Variants in NT5C3B observed in about 807,000 individuals in gnomAD.
The protein encoded by NT5C3B is 5'-nucleotidase, cytosolic IIIB, also known as 7-methylguanosine phosphate-specific 5'-nucleotidase.
Under a neutral mutation model 32.5 loss-of-function variants are expected in NT5C3B, and 28 were observed. That is an observed-to-expected ratio of 0.86 (90% CI 0.64 to 1.18). NT5C3B has a LOEUF of 1.18. NT5C3B is among the 50% of genes most tolerant of loss of function. The pLI, the probability that NT5C3B is intolerant of heterozygous loss-of-function variation, is 0.00. For missense variants in NT5C3B, 317 were observed against 322.0 expected (o/e 0.98, Z 0.12); for synonymous variants, 138 against 118.0 (o/e 1.17, Z -1.10).
chr17:41,833,070 C>A (rs1462143364), intron 4 of NT5C3B, among the ~76,000 whole-genome samples: 3 of 152,160 alleles, frequency 2.0e-5, no homozygotes, highest in Non-Finnish European at 4.4e-5. Flanking sequence ...CTGGTCATTC[C>A]TTTGTACTCA....
Position 41,825,281 on chromosome 17 carries a change from C to A in NT5C3B, c.*242G>T, listed in dbSNP as rs1454932644. ...AAGAAAATCCCTGGAGTAGACAATCCCTAGAGCACTGACATGCTGTGGTCC... is the reference window on the plus strand; with the variant it reads ...AAGAAAATCCCTGGAGTAGACAATCACTAGAGCACTGACATGCTGTGGTCC... On this transcript the variant is annotated 3_prime_UTR_variant, in exon 9 of 9. Coordinates refer to ENST00000435506, the MANE Select transcript of NT5C3B (RefSeq NM_052935.5). 1 of 472,534 alleles carries A rather than the reference C, an allele frequency of 2.1e-6. No individual in the cohort carries two copies. The highest frequency in any genetic ancestry group is 1.9e-5 in the African/African-American group (1 of 51,488). The allele number at this position is 472,534 out of a possible 1,614,324, so 29.3% of individuals were successfully genotyped here.
At chr17:41,835,027 G>A (rs782625382) in intron 4 of NT5C3B, 43 bp downstream of exon 4, 5 of 1,576,130 alleles carry the variant, frequency 3.2e-6, no homozygotes, top group Non-Finnish European at 4.4e-6. Context: ...ATTTGAAGTA[G>A]CAAATGACAA....
In NT5C3B at chr17:41,835,116, TC is replaced by T. The variant is rs1555619636; in HGVS notation, c.182-1del. ...GATGATCTTGCTATTATCCAGAATA[TC>T]TGGAAAAAGAGAAAACTCCTTTTAC... On this transcript the variant is annotated splice_acceptor_variant, in intron 3 of 8. Coordinates refer to ENST00000435506, the MANE Select transcript of NT5C3B (RefSeq NM_052935.5). LOFTEE classifies it high-confidence loss of function. 3.1e-6 allele frequency: 5 copies of T among 1,614,168 alleles called. No homozygotes were observed. Among genetic ancestry groups the T allele is most frequent in the Non-Finnish European group, 3.4e-6 (4 of 1,180,002 alleles).
rs1017413116 is a variant in NT5C3B, at chr17:41,836,112, G to A, written c.12+70C>T. 34 of 1,333,380 alleles carry A rather than the reference G, an allele frequency of 2.5e-5. 1 individual carries two copies. In the South Asian group the frequency reaches 6.8e-4, roughly 27 times the overall value. The allele number at this position is 1,333,380 out of a possible 1,614,324, so 82.6% of individuals were successfully genotyped here. ...AGCGGCGGTGCCTCGGTGACCAGCT[G>A]GGGGGCTCGAAGCGCCCCGGGGGTC... On this transcript the variant is annotated intron_variant, in intron 1 of 8. Transcript: ENST00000435506.
chr17:41,832,368 C>T, intron 5 of NT5C3B, 24 bp downstream of exon 5: 1 of 1,608,448 alleles, frequency 6.2e-7, no homozygotes. Flanking sequence ...GGCCCAGAAG[C>T]TTTTCTCCAC....
chr17:41,828,478 A>G, intron 7 of NT5C3B: 1 of 211,862 alleles, frequency 4.7e-6, no homozygotes, highest in Non-Finnish European at 9.6e-6. Context: ...CTGGGATTAC[A>G]GCCACACACC....
In NT5C3B at chr17:41,825,549, C is replaced by A. The variant is rs1159367251; in HGVS notation, c.877G>T (p.Val293Phe). 4.6e-6 allele frequency: 4 copies of A among 872,600 alleles called. No individual in the cohort carries two copies. Among genetic ancestry groups the A allele is most frequent in the Non-Finnish European group, 8.0e-6 (4 of 501,654 alleles). The allele number at this position is 872,600 out of a possible 1,614,324, so 54.1% of individuals were successfully genotyped here. The change falls in exon 9 of 9, where the codon GTC (valine) becomes TTC (phenylalanine). Residue 293 changes from valine (V) to phenylalanine (F), a missense_variant. By Grantham distance (50) the Val-to-Phe change is conservative. Coordinates refer to ENST00000435506, the MANE Select transcript of NT5C3B (RefSeq NM_052935.5). The stretch of plus-strand genomic sequence containing the variant: ...CAGGGGCCTTGCATCTCCAGCTGGA[C>A]CCCCTGGCACAGGATGTGCTGCAGT... Reference protein sequence around the residue: ...GLLQHILCQGVQLEMQGP With the variant: ...GLLQHILCQGFQLEMQGP
intron 7 of NT5C3B, 113 bp downstream of exon 7, chr17:41,828,677 T>C (rs782117678): frequency 1.0e-6 from 1 of 989,846 alleles, no homozygotes; most frequent in Non-Finnish European, 1.5e-6. Flanking sequence ...GTGAAGAAGC[T>C]AGAGTGGCTT....
chr17:41,829,889 C>T (rs1401066473), intron 6 of NT5C3B, among the ~76,000 whole-genome samples: 2 of 152,086 alleles, frequency 1.3e-5, no homozygotes, highest in Non-Finnish European at 2.9e-5. Flanking sequence ...CTGTTGCTGT[C>T]CATACAACCA....
chr17:41,834,996 C>A (rs1255653411), intron 4 of NT5C3B, 74 bp downstream of exon 4: 5 of 1,425,058 alleles, frequency 3.5e-6, no homozygotes, highest in East Asian at 2.3e-5. Flanking sequence ...ATACTGGAAT[C>A]TTTGGTTCCA....
chr17:41,832,414 T>C lies in NT5C3B; in HGVS notation c.292A>G (p.Lys98Glu). 1.2e-6 allele frequency: 2 copies of C among 1,613,712 alleles called. No homozygotes were observed. Among genetic ancestry groups the C allele is most frequent in the South Asian group, 2.2e-5 (2 of 91,070 alleles). Residue 98 changes from lysine (K) to glutamate (E), a missense_variant, in exon 5 of 9, where the codon AAG becomes GAG. By Grantham distance (56) the Lys-to-Glu change is moderately conservative. Transcript: ENST00000435506. ...EIDPHRTVKE[K>E]LPHMVEWWTK... ...CACCATTCCACCATATGAGGTAGCT[T>C]CTCCTTGACGGTCCGGTGTGGGTCG...
rs782197172 is a variant in NT5C3B, at chr17:41,830,809, T to C, written c.396A>G (p.Ala132=). 3.8e-6 allele frequency: 6 copies of C among 1,599,548 alleles called. No homozygotes were observed. In the South Asian group the frequency reaches 6.6e-5, roughly 18 times the overall value. The change falls in exon 6 of 9, where the codon GCA becomes GCG. Residue 132 remains alanine (A), a synonymous_variant. Coordinates refer to ENST00000435506, the MANE Select transcript of NT5C3B (RefSeq NM_052935.5). Reference sequence around the variant, plus strand: ...CAGAGCAAGACGCTTACCTGAGCATTGCATTGGACTCTCTAACCACCTGGG... The same window carrying C: ...CAGAGCAAGACGCTTACCTGAGCATCGCATTGGACTCTCTAACCACCTGGG... ...QIAQVVRESN[A]MLREGYKTFF...
intron 4 of NT5C3B, 181 bp from the exon 5 acceptor site, chr17:41,832,658 A>T: frequency 2.3e-6 from 1 of 440,234 alleles, no homozygotes; most frequent in Non-Finnish European, 4.2e-6. Context: ...ACTTGAGGTC[A>T]GGAGTTCGAG....
chr17:41,835,809 C>T lies in NT5C3B; in HGVS notation c.111+50G>A, dbSNP rs1175040574. ...GCGGGAAGGCCCAATGGGCAGGAAG[C>T]CTCTCCAGCCGCCCCCAGCCCGGCC... On this transcript the variant is annotated intron_variant, in intron 2 of 8. Coordinates refer to ENST00000435506, the MANE Select transcript of NT5C3B (RefSeq NM_052935.5). 5 of 1,518,038 alleles carry T rather than the reference C, an allele frequency of 3.3e-6. No individual in the cohort carries two copies. The East Asian group carries it at 7.2e-5, about 22-fold the overall frequency. 94.0% of individuals were successfully genotyped at this position (1,518,038 alleles called of 1,614,324 possible).
rs200743216 is a variant in NT5C3B, at chr17:41,825,664, G to A, written c.769-7C>T. 390 of 872,548 alleles carry A rather than the reference G, an allele frequency of 4.5e-4. No homozygotes were observed. Among genetic ancestry groups the A allele is most frequent in the Admixed American group, 6.9e-4 (41 of 59,160 alleles). The allele number at this position is 872,548 out of a possible 1,614,324, so 54.1% of individuals were successfully genotyped here. On this transcript the variant is annotated splice_region_variant and splice_polypyrimidine_tract_variant and intron_variant, in intron 8 of 8. Transcript: ENST00000435506. ...GCTCCCGCCGCTCCTCCACCTGCCC[G>A]GAATGAGAGGCAGAAGCCAGAGGGT...
chr17:41,835,381 T>C (rs1318138739), intron 2 of NT5C3B, 109 bp from the exon 3 acceptor site: 2 of 910,526 alleles, frequency 2.2e-6, no homozygotes, highest in Non-Finnish European at 1.8e-6. Context: ...GTGGCCAGGA[T>C]GTAGGCAAAG....
In NT5C3B at chr17:41,825,565, G is replaced by A. The variant is rs1490642794; in HGVS notation, c.861C>T (p.His287=). 3 of 872,720 alleles carry A rather than the reference G, an allele frequency of 3.4e-6. No individual in the cohort carries two copies. The highest frequency in any genetic ancestry group is 1.6e-5 in the African/African-American group (1 of 61,352). 54.1% of individuals were successfully genotyped at this position (872,720 alleles called of 1,614,324 possible). ...CCAGCTGGACCCCCTGGCACAGGATGTGCTGCAGTAGCCCGTTGACCACAT... is the reference window on the plus strand; with the variant it reads ...CCAGCTGGACCCCCTGGCACAGGATATGCTGCAGTAGCCCGTTGACCACAT... The part of the protein sequence containing the change: ...TLDVVNGLLQ[H]ILCQGVQLEM... Residue 287 remains histidine (H), a synonymous_variant, in exon 9 of 9, where the codon CAC becomes CAT. Transcript: ENST00000435506.
chr17:41,830,144 A>T (rs1238282191), intron 6 of NT5C3B, among the ~76,000 whole-genome samples: 1 of 152,188 alleles, frequency 6.6e-6, no homozygotes, highest in Non-Finnish European at 1.5e-5. Flanking sequence ...GTCCCAGCCT[A>T]GCCAACTCCC....
rs782791875 is a variant in NT5C3B at position 41,828,784 on chromosome 17, G to A, written c.567+6C>T. The A allele has an allele frequency of 1.2e-6, 2 of 1,611,762 alleles. No homozygotes were observed. Among genetic ancestry groups the A allele is most frequent in the South Asian group, 1.1e-5 (1 of 90,748 alleles). ...CCTTTCCCAGCCCAAACAGGATTTG[G>A]CTCACATCTTCATTAAAATCCATGT... is the stretch of plus-strand genomic sequence containing the variant. On this transcript the variant is annotated splice_donor_region_variant and intron_variant, in intron 7 of 8. Coordinates refer to ENST00000435506, the MANE Select transcript of NT5C3B (RefSeq NM_052935.5).
Sources: allele counts gnomAD v4.1 joint callset (sites outside exome capture counted in the v4.1 genomes callset), GRCh38; gene constraint gnomAD v4.1.1; transcripts MANE v1.5; gene names NCBI Gene and HGNC (gene_info 2026-07-23, HGNC 2026-07-21).